The following NALF1 variants were observed in gnomAD, a reference collection of about 807,000 sequenced individuals.
The protein encoded by NALF1 is NALCN channel auxiliary factor 1.
Under a neutral mutation model 48.4 loss-of-function variants are expected in NALF1, and 3 were observed. The observed-to-expected ratio is 0.06, with a 90% CI of 0.03 to 0.16. The LOEUF (loss-of-function observed/expected upper bound fraction) is 0.16, where lower values mean the gene tolerates loss of function less well. Among genes scored for constraint, NALF1 ranks in the 10% least tolerant of loss-of-function variants. NALF1 has a pLI of 1.00. For synonymous variants in NALF1, 262 were observed against 245.7 expected, an observed-to-expected ratio of 1.07 and a Z score of -0.62; for missense variants, 526 against 571.5, an observed-to-expected ratio of 0.92 and a Z score of 0.81.
intron 1 of NALF1, among the ~76,000 whole-genome samples, chr13:107,338,624 C>T (rs1882605902): frequency 6.6e-6 from 1 of 152,094 alleles, no homozygotes; most frequent in Admixed American, 6.5e-5. Flanking sequence ...CCTCATGGGT[C>T]TGTTGTGAAG....
intron 1 of NALF1, among the ~76,000 whole-genome samples, chr13:107,766,181 G>A (rs1230579550): frequency 6.6e-6 from 1 of 152,158 alleles, no homozygotes; most frequent in South Asian, 2.1e-4. Context: ...CCATTAGCCT[G>A]AGAAGCTTAG....
chr13:107,578,362 A>G (rs1370741468), intron 1 of NALF1, among the ~76,000 whole-genome samples: 1 of 152,210 alleles, frequency 6.6e-6, no homozygotes, highest in Non-Finnish European at 1.5e-5. Flanking sequence ...ATTTTGGACT[A>G]GTCCTTTTGA....
chr13:107,756,789 C>T (rs964633868), intron 1 of NALF1, among the ~76,000 whole-genome samples: 1 of 152,060 alleles, frequency 6.6e-6, no homozygotes, highest in African/African-American at 2.4e-5. Flanking sequence ...CCAGGACCTA[C>T]GCTCTCCCTT....
chr13:107,604,442 G>A (rs573282695), intron 1 of NALF1, among the ~76,000 whole-genome samples: 7 of 152,248 alleles, frequency 4.6e-5, no homozygotes, highest in African/African-American at 1.2e-4. Flanking sequence ...TCAAAGCAGT[G>A]TAATTCCAAC....
At chr13:107,559,165 G>A (rs1877568141) in intron 1 of NALF1, among the ~76,000 whole-genome samples, 1 of 152,176 alleles carries the variant, frequency 6.6e-6, no homozygotes, top group African/African-American at 2.4e-5. Context: ...GCAGCAGAGA[G>A]GAGACGCCAT....
chr13:107,679,760 G>A (rs1460462644), intron 1 of NALF1, among the ~76,000 whole-genome samples: 1 of 152,136 alleles, frequency 6.6e-6, no homozygotes, highest in African/African-American at 2.4e-5. Flanking sequence ...ACCTCTAGGG[G>A]GAAAAGATGG....
chr13:107,204,502 T>G (rs1286146369), intron 2 of NALF1, among the ~76,000 whole-genome samples: 1 of 152,208 alleles, frequency 6.6e-6, no homozygotes, highest in Non-Finnish European at 1.5e-5. Flanking sequence ...CTCTATTCCC[T>G]ACATACATTC....
At chr13:107,859,914 C>CAAAA (rs778833499) in intron 1 of NALF1, among the ~76,000 whole-genome samples, 18 of 66,452 alleles carry the variant, frequency 2.7e-4, no homozygotes, top group South Asian at 4.7e-4. Flanking sequence ...AACTCCAACT[C>CAAAA]AAAAAAAAAA....
At chr13:107,686,461 C>A (rs1160010677) in intron 1 of NALF1, among the ~76,000 whole-genome samples, 1 of 151,980 alleles carries the variant, frequency 6.6e-6, no homozygotes, top group Non-Finnish European at 1.5e-5. Context: ...GTGGTGGAAT[C>A]TTGGCTCACT....
intron 1 of NALF1, among the ~76,000 whole-genome samples, chr13:107,836,192 T>C (rs929324214): frequency 2.0e-5 from 3 of 152,154 alleles, no homozygotes; most frequent in African/African-American, 7.2e-5. Flanking sequence ...GGTTTCATCA[T>C]GTTTCCCAGG....
intron 1 of NALF1, among the ~76,000 whole-genome samples, chr13:107,224,793 C>T (rs1033198580): frequency 6.6e-6 from 1 of 152,000 alleles, no homozygotes; most frequent in African/African-American, 2.4e-5. Context: ...TCACACTGAA[C>T]TTTGGTTTAA....
intron 1 of NALF1, among the ~76,000 whole-genome samples, chr13:107,644,646 C>CATATATATATATATATATATATATATAT (rs58981652): frequency 1.9e-4 from 21 of 108,210 alleles, no homozygotes; most frequent in Non-Finnish European, 3.1e-4. Context: ...TACATACATA[C>CATATATATATATATATATATATATATAT]ATATATATAT....
At chr13:107,380,110 T>A (rs117948509) in intron 1 of NALF1, among the ~76,000 whole-genome samples, 142 of 152,274 alleles carry the variant, frequency 9.3e-4, no homozygotes, top group Non-Finnish European at 1.6e-3. Flanking sequence ...TAATAGCATC[T>A]TTTATAGTTA....
At chr13:107,443,174 A>G (rs1474367999) in intron 1 of NALF1, among the ~76,000 whole-genome samples, 13 of 64,188 alleles carry the variant, frequency 2.0e-4, no homozygotes, top group Non-Finnish European at 3.6e-4. Context: ...CTAACAATCT[A>G]TCTATCTATC....
chr13:107,540,823 A>T (rs1017516878), intron 1 of NALF1, among the ~76,000 whole-genome samples: 2 of 152,144 alleles, frequency 1.3e-5, no homozygotes, highest in Non-Finnish European at 2.9e-5. Flanking sequence ...ATATTCCTAA[A>T]CAAGAAACTT....
intron 1 of NALF1, among the ~76,000 whole-genome samples, chr13:107,415,633 C>G (rs1308849181): frequency 6.6e-6 from 1 of 152,198 alleles, no homozygotes; most frequent in Non-Finnish European, 1.5e-5. Context: ...CCACAACAGT[C>G]AGTTCACTCT....
At chr13:107,281,608 A>G (rs1881389287) in intron 1 of NALF1, among the ~76,000 whole-genome samples, 2 of 152,332 alleles carry the variant, frequency 1.3e-5, no homozygotes, top group South Asian at 4.1e-4. Context: ...AAGTATATGA[A>G]GGCGGTGCAT....
At chr13:107,575,316 A>T (rs1013966796) in intron 1 of NALF1, among the ~76,000 whole-genome samples, 2 of 152,176 alleles carry the variant, frequency 1.3e-5, no homozygotes, top group African/African-American at 4.8e-5. Context: ...ATTTGCATTT[A>T]AAAAGATTTA....
At chr13:107,329,292 C>A (rs1283268229) in intron 1 of NALF1, among the ~76,000 whole-genome samples, 1 of 152,070 alleles carries the variant, frequency 6.6e-6, no homozygotes, top group Non-Finnish European at 1.5e-5. Flanking sequence ...AGATTAAAAT[C>A]TCAATGTAAG....
Sources: allele counts gnomAD v4.1 joint callset (sites outside exome capture counted in the v4.1 genomes callset), GRCh38; gene constraint gnomAD v4.1.1; transcripts MANE v1.5; gene names NCBI Gene and HGNC (gene_info 2026-07-23, HGNC 2026-07-21).